Variants in ARHGEF17 observed in about 807,000 individuals in gnomAD.
The protein encoded by ARHGEF17 is Rho guanine nucleotide exchange factor 17, also known as 164 kDa Rho-specific guanine-nucleotide exchange factor.
A neutral mutation model predicts 174.0 loss-of-function variants in ARHGEF17; 80 were observed. The ratio of observed to expected loss-of-function variants is 0.46; its 90% CI spans 0.38 to 0.55. The LOEUF (loss-of-function observed/expected upper bound fraction) is 0.55. Among genes scored for constraint, ARHGEF17 ranks in the 20% least tolerant of loss-of-function variants. The pLI, the probability that ARHGEF17 is intolerant of heterozygous loss-of-function variation, is 0.00. For synonymous variants in ARHGEF17, 1,311 were observed against 1,189.1 expected (o/e 1.10, Z -2.11); for missense variants, 2,886 against 2,839.7 (o/e 1.02, Z -0.37).
rs1864730798 is a variant in ARHGEF17 at position 73,308,585 on chromosome 11, G to T, written c.-54G>T. Reference sequence around the variant, plus strand: ...CGCTCCTAGGGAGTGGGGGCGCAGGGGGGGTTGGCCGCGGCTGCCCGAGGC... The same window carrying T: ...CGCTCCTAGGGAGTGGGGGCGCAGGTGGGGTTGGCCGCGGCTGCCCGAGGC... On this transcript the variant is annotated 5_prime_UTR_variant, in exon 1 of 21. Transcript: ENST00000263674. The T allele has an allele frequency of 1.5e-6, 2 of 1,367,326 alleles. No individual in the cohort carries two copies. Among genetic ancestry groups the T allele is most frequent in the Non-Finnish European group, 1.9e-6 (2 of 1,060,456 alleles). The allele number at this position is 1,367,326 out of a possible 1,614,324, so 84.7% of individuals were successfully genotyped here. A position where few individuals can be genotyped will look rare whatever the true frequency, so the allele number is the denominator to read the frequency against.
chr11:73,346,972 G>A lies in ARHGEF17; in HGVS notation c.3270+12G>A, dbSNP rs1479657458. On this transcript the variant is annotated intron_variant, in intron 2 of 20. Transcript: ENST00000263674. ...GCACCCTGATGCAGGTGGGGCTCGGGGCCCACTCCCCTGAGAATGGCCTTT... is the reference window on the plus strand; with the variant it reads ...GCACCCTGATGCAGGTGGGGCTCGGAGCCCACTCCCCTGAGAATGGCCTTT... 6.3e-7 allele frequency: 1 copy of A among 1,588,756 alleles called. No individual in the cohort carries two copies. Among genetic ancestry groups the A allele is most frequent in the Non-Finnish European group, 8.6e-7 (1 of 1,164,350 alleles).
Position 73,365,913 on chromosome 11 carries a change from G to A in ARHGEF17, c.5961G>A (p.Leu1987=), listed in dbSNP as rs1404049985. ...AAVQLPDGFN[L]LCPTPPPPPD... is the part of the protein sequence containing the mutation. ...TCCAGCTGCCAGATGGCTTCAACCT[G>A]CTCTGCCCAACCCCACCACCTCCCC... is the stretch of plus-strand genomic sequence containing the variant. Residue 1987 remains leucine, a synonymous_variant, in exon 20 of 21, where the codon CTG becomes CTA. Transcript: ENST00000263674. The surrounding 1 kb of genome is among the most constrained non-coding windows in gnomAD (Gnocchi z 4.9). The A allele has an allele frequency of 6.2e-7, 1 of 1,606,592 alleles. No individual in the cohort carries two copies. The highest frequency in any genetic ancestry group is 8.5e-7 in the Non-Finnish European group (1 of 1,179,904).
intron 4 of ARHGEF17, 91 bp downstream of exon 4, chr11:73,355,740 C>T: frequency 6.4e-7 from 1 of 1,558,132 alleles, no homozygotes. Context: ...GTACCATAGT[C>T]CCAGCCAGTG....
At chr11:73,315,816 C>G (rs1046993169) in intron 1 of ARHGEF17, among the ~76,000 whole-genome samples, 2 of 152,170 alleles carry the variant, frequency 1.3e-5, no homozygotes, top group Non-Finnish European at 2.9e-5. Flanking sequence ...AGAGTTGAGT[C>G]TGACATTTTC....
chr11:73,312,617 C>G (rs773460801), intron 1 of ARHGEF17, among the ~76,000 whole-genome samples: 4 of 151,954 alleles, frequency 2.6e-5, no homozygotes, highest in Non-Finnish European at 5.9e-5. Flanking sequence ...ATGGGGGCTT[C>G]TAGGGGAGGA....
intron 1 of ARHGEF17, among the ~76,000 whole-genome samples, chr11:73,317,404 T>A (rs1025318052): frequency 1.3e-5 from 2 of 151,838 alleles, no homozygotes; most frequent in Admixed American, 6.5e-5. Flanking sequence ...GTGGGCAGGG[T>A]CTGCCCAAGG....
Position 73,308,684 on chromosome 11 carries a change from T to A in ARHGEF17, c.46T>A (p.Phe16Ile). 1 of 1,520,386 alleles carries A rather than the reference T, an allele frequency of 6.6e-7. No individual in the cohort carries two copies. The highest frequency in any genetic ancestry group is 8.8e-7 in the Non-Finnish European group (1 of 1,137,226). 94.2% of individuals were successfully genotyped at this position (1,520,386 alleles called of 1,614,324 possible). A position where few individuals can be genotyped will look rare whatever the true frequency, so the allele number is the denominator to read the frequency against. Residue 16 changes from phenylalanine (F) to isoleucine (I), a missense_variant, in exon 1 of 21, where the codon TTC (phenylalanine) becomes ATC (isoleucine). By Grantham distance (21) the Phe-to-Ile change is conservative. Transcript: ENST00000263674. ...GCCCCAGCTTTACCGCAGCGTCTCG[T>A]TCAAGCTGCTGGAGCGCTGGAGCGG... The part of the protein sequence containing the change: ...PRPQLYRSVS[F>I]KLLERWSGGP...
rs1864759289 is a variant in ARHGEF17, at chr11:73,309,304, A to G, written c.666A>G (p.Gln222=). Residue 222 remains glutamine (Q), a synonymous_variant, in exon 1 of 21, where the codon CAA becomes CAG. Transcript: ENST00000263674. ...DGLHSWHIFS[Q]PQAGARASCS... ...TACATTCTTGGCATATCTTCTCCCA[A>G]CCGCAGGCCGGGGCCCGGGCCTCCT... The G allele has an allele frequency of 6.2e-7, 1 of 1,611,058 alleles. No homozygotes were observed. Among genetic ancestry groups the G allele is most frequent in the Non-Finnish European group, 8.5e-7 (1 of 1,179,530 alleles).
At position 73,369,053 on chromosome 11, in the gene ARHGEF17, G is replaced by A. The variant is rs1336762521; in HGVS notation, c.*1273G>A. On this transcript the variant is annotated 3_prime_UTR_variant, in exon 21 of 21. Transcript: ENST00000263674. ...GTATTAACTCTCTTTGGATGATGAA[G>A]TTTAAAGAGTCAATAAATAGAAACA... 1 of 152,522 alleles carries A rather than the reference G, an allele frequency of 6.6e-6. No homozygotes were observed. The highest frequency in any genetic ancestry group is 1.5e-5 in the Non-Finnish European group (1 of 68,036). 9.4% of individuals were successfully genotyped at this position (152,522 alleles called of 1,614,324 possible). A position where few individuals can be genotyped will look rare whatever the true frequency, so the allele number is the denominator to read the frequency against.
intron 9 of ARHGEF17, among the ~76,000 whole-genome samples, chr11:73,357,625 G>A (rs1865667097): frequency 6.6e-6 from 1 of 152,220 alleles, no homozygotes; most frequent in African/African-American, 2.4e-5. Flanking sequence ...ATTCATCTGT[G>A]CAAAATCATT....
At chr11:73,325,684 A>T (rs1277438587) in intron 1 of ARHGEF17, among the ~76,000 whole-genome samples, 1 of 152,226 alleles carries the variant, frequency 6.6e-6, no homozygotes, top group Non-Finnish European at 1.5e-5. Context: ...ATGACAGCAA[A>T]GTTGGAGTAG....
rs1865872781 is a variant in ARHGEF17 at position 73,368,093 on chromosome 11, G to T, written c.*313G>T. The T allele has an allele frequency of 9.8e-6, 3 of 304,968 alleles. No individual in the cohort carries two copies. The South Asian group carries it at 2.8e-4, about 28-fold the overall frequency. 18.9% of individuals were successfully genotyped at this position (304,968 alleles called of 1,614,324 possible). On this transcript the variant is annotated 3_prime_UTR_variant, in exon 21 of 21. Coordinates refer to ENST00000263674, the MANE Select transcript of ARHGEF17 (RefSeq NM_014786.4). Reference sequence around the variant, plus strand: ...AGCTGGGTCTGGACCCCACGGGGCTGGGGAGGGCCATGTGCAATATTTGGA... The same window carrying T: ...AGCTGGGTCTGGACCCCACGGGGCTTGGGAGGGCCATGTGCAATATTTGGA...
At chr11:73,315,150 G>A (rs1864908217) in intron 1 of ARHGEF17, among the ~76,000 whole-genome samples, 1 of 152,116 alleles carries the variant, frequency 6.6e-6, no homozygotes, top group African/African-American at 2.4e-5. Context: ...AGAGGTGAGG[G>A]GTCCCAAGGA....
chr11:73,316,484 G>A (rs1864931101), intron 1 of ARHGEF17, among the ~76,000 whole-genome samples: 1 of 152,132 alleles, frequency 6.6e-6, no homozygotes, highest in Non-Finnish European at 1.5e-5. Flanking sequence ...TGACAGGGTG[G>A]GGTACTTTAG....
At chr11:73,350,546 C>T (rs745787144) in intron 2 of ARHGEF17, among the ~76,000 whole-genome samples, 4 of 152,188 alleles carry the variant, frequency 2.6e-5, no homozygotes, top group South Asian at 2.1e-4. Flanking sequence ...GTGTTAACTT[C>T]GAACCATCAC....
At chr11:73,331,697 C>T (rs951147421) in intron 1 of ARHGEF17, among the ~76,000 whole-genome samples, 5 of 152,244 alleles carry the variant, frequency 3.3e-5, no homozygotes, top group African/African-American at 1.2e-4. Flanking sequence ...GGAAAAGGCA[C>T]AAAGTGCTGC....
intron 1 of ARHGEF17, among the ~76,000 whole-genome samples, chr11:73,318,569 G>A (rs1864965764): frequency 6.6e-6 from 1 of 152,256 alleles, no homozygotes; most frequent in South Asian, 2.1e-4. Context: ...GGTTGAGGCT[G>A]CAGTGAGCTG....
At chr11:73,361,886 T>G (rs977751376) in intron 12 of ARHGEF17, among the ~76,000 whole-genome samples, 154 bp from the exon 13 acceptor site, 2 of 148,258 alleles carry the variant, frequency 1.3e-5, no homozygotes, top group Non-Finnish European at 3.0e-5. Flanking sequence ...GCCGCGTGTA[T>G]GTGTACGCGT....
intron 15 of ARHGEF17, 135 bp downstream of exon 15, chr11:73,363,590 A>G: frequency 1.3e-6 from 2 of 1,498,182 alleles, no homozygotes; most frequent in South Asian, 1.3e-5. Context: ...CAGGGATGTC[A>G]GTGGGTCTGA....
Sources: gnomAD v4.1 joint callset for allele counts (sites outside exome capture counted in the v4.1 genomes callset) on GRCh38, gnomAD v4.1.1 for gene constraint, Gnocchi (gnomAD v3.1) non-coding constraint, MANE v1.5 for transcripts, NCBI Gene and HGNC (gene_info 2026-07-23, HGNC 2026-07-21) for gene names.